The following AGAP1 variants were observed in gnomAD, a reference collection of about 807,000 sequenced individuals.
AGAP1 encodes ArfGAP with GTPase domain, ankyrin repeat and PH domain 1.
AGAP1 carries 29 observed loss-of-function variants against 105.3 expected under a neutral mutation model. That is an observed-to-expected ratio of 0.28 (90% CI 0.21 to 0.38). The LOEUF (loss-of-function observed/expected upper bound fraction) is 0.38, where lower values mean the gene tolerates loss of function less well. Ranked by LOEUF, AGAP1 falls within the 10% of genes least tolerant of loss-of-function variation. The pLI is 1.00. For synonymous variants in AGAP1, 509 were observed against 485.9 expected (o/e 1.05, Z -0.63); for missense variants, 998 against 1,165.1 (o/e 0.86, Z 2.09).
chr2:235,910,191 T>C (rs575458800), intron 11 of AGAP1, among the ~76,000 whole-genome samples: 1 of 152,402 alleles, frequency 6.6e-6, no homozygotes, highest in Non-Finnish European at 1.5e-5. Flanking sequence ...CAAATTTGGG[T>C]CCACCATCCT....
chr2:235,545,093 A>G (rs1943580039), intron 1 of AGAP1, among the ~76,000 whole-genome samples: 1 of 152,184 alleles, frequency 6.6e-6, no homozygotes, highest in South Asian at 2.1e-4. Context: ...TTTGTTGTTT[A>G]GATCATGGTC....
In AGAP1 at chr2:235,571,975, T is replaced by TATAC. The variant is rs1553568314; in HGVS notation, c.163+77127_163+77128insTACA. Among the ~76,000 whole-genome samples the TATAC allele has an allele frequency of 2.5e-4, 20 of 78,986 alleles. 1 individual carries two copies. Among genetic ancestry groups the TATAC allele is most frequent in the African/African-American group, 1.1e-3 (19 of 17,626 alleles). The allele number at this position is 78,986 out of a possible 152,430, so 51.8% of individuals were successfully genotyped here. On this transcript the variant is annotated intron_variant, in intron 1 of 17. Coordinates refer to ENST00000304032, the MANE Select transcript of AGAP1 (RefSeq NM_001037131.3). Reference sequence around the variant, plus strand: ...GTGTGTGTGTATACATATATATGTATACACACACACACACACACACACACA... The same window carrying TATAC: ...GTGTGTGTGTATACATATATATGTATATACACACACACACACACACACACACACA...
intron 1 of AGAP1, chr2:235,670,376 CG>C: frequency 1.8e-6 from 1 of 549,486 alleles, no homozygotes; most frequent in Non-Finnish European, 3.3e-6. Context: ...TTGGGATTTC[CG>C]CACCTTCCGC....
Position 235,867,599 on chromosome 2 carries a change from C to A in AGAP1, c.1051-15746C>A, listed in dbSNP as rs1434708343. Among the ~76,000 whole-genome samples, 1 of 144,766 alleles carries A rather than the reference C, an allele frequency of 6.9e-6. No homozygotes were observed. Among genetic ancestry groups the A allele is most frequent in the Non-Finnish European group, 1.5e-5 (1 of 66,158 alleles). 95.0% of individuals were successfully genotyped at this position (144,766 alleles called of 152,430 possible). Reference sequence around the variant, plus strand: ...TGCAAGTGAGGGAGGGTGACCCCCACACCAAGCACACAGGGCCATGGATTT... The same window carrying A: ...TGCAAGTGAGGGAGGGTGACCCCCAAACCAAGCACACAGGGCCATGGATTT... On this transcript the variant is annotated intron_variant, in intron 9 of 17. Coordinates refer to ENST00000304032, the MANE Select transcript of AGAP1 (RefSeq NM_001037131.3). The surrounding 1 kb of genome is among the most constrained non-coding windows in gnomAD (Gnocchi z 5.4).
intron 1 of AGAP1, among the ~76,000 whole-genome samples, chr2:235,658,003 G>A (rs1947829703): frequency 6.6e-6 from 1 of 152,218 alleles, no homozygotes. Flanking sequence ...TGCTGATCTC[G>A]GCCTTCTAGG....
chr2:235,755,283 T>C (rs1280793145), intron 6 of AGAP1, among the ~76,000 whole-genome samples: 4 of 152,234 alleles, frequency 2.6e-5, no homozygotes, highest in African/African-American at 7.2e-5. Context: ...AGTTTTTCTA[T>C]TTTTAAAGTT....
Position 235,741,145 on chromosome 2 carries a change from A to C in AGAP1, c.396+97A>C. 1 of 983,936 alleles carries C rather than the reference A, an allele frequency of 1.0e-6. No homozygotes were observed. Among genetic ancestry groups the C allele is most frequent in the Admixed American group, 3.1e-5 (1 of 32,362 alleles). The allele number at this position is 983,936 out of a possible 1,614,324, so 61.0% of individuals were successfully genotyped here. ...TCTAGAAATCGGTGACTTGGTTTCCAAAAAAGTGGAAACCCCATAAAAAAT... is the reference window on the plus strand; with the variant it reads ...TCTAGAAATCGGTGACTTGGTTTCCCAAAAAGTGGAAACCCCATAAAAAAT... On this transcript the variant is annotated intron_variant, in intron 4 of 17. Coordinates refer to ENST00000304032, the MANE Select transcript of AGAP1 (RefSeq NM_001037131.3). This position sits in a 1 kb window ranked among gnomAD's most constrained non-coding sequence, Gnocchi z 4.9.
rs2056863154 is a variant in AGAP1 at position 236,020,980 on chromosome 2, A to G, written c.1646-15581A>G. Among the ~76,000 whole-genome samples the G allele has an allele frequency of 6.6e-6, 1 of 152,106 alleles. No individual in the cohort carries two copies. The highest frequency in any genetic ancestry group is 1.5e-5 in the Non-Finnish European group (1 of 68,024). On this transcript the variant is annotated intron_variant, in intron 13 of 17. Transcript: ENST00000304032. This position sits in a 1 kb window ranked among gnomAD's most constrained non-coding sequence, Gnocchi z 5.0. Reference sequence around the variant, plus strand: ...CAGACATTCGAGACCAGCCTGGTCAACGTGGTGAAACCCCATCTCTACTAA... The same window carrying G: ...CAGACATTCGAGACCAGCCTGGTCAGCGTGGTGAAACCCCATCTCTACTAA...
rs1951825569 is a variant in AGAP1, at chr2:235,729,472, C to T, written c.311-11491C>T. On this transcript the variant is annotated intron_variant, in intron 3 of 17. Transcript: ENST00000304032. This position sits in a 1 kb window ranked among gnomAD's most constrained non-coding sequence, Gnocchi z 5.0. ...TCAGCTCAGCCTGAGAGCCAGTGAC[C>T]CCCTCCCCCAGGAGGATGCTGTAGG... 6.6e-6 allele frequency among the ~76,000 whole-genome samples: 1 copy of T among 152,094 alleles called. No homozygotes were observed. The highest frequency in any genetic ancestry group is 2.1e-4 in the South Asian group (1 of 4,828).
intron 6 of AGAP1, among the ~76,000 whole-genome samples, chr2:235,757,231 C>T (rs1213716484): frequency 6.6e-6 from 1 of 152,220 alleles, no homozygotes; most frequent in Admixed American, 6.5e-5. Flanking sequence ...TTGGTGATCT[C>T]ACATAGACTT....
rs35116044 is a variant in AGAP1, at chr2:236,003,583, C to G, written c.1646-32978C>G. Among the ~76,000 whole-genome samples the G allele has an allele frequency of 2.0e-5, 3 of 151,940 alleles. No homozygotes were observed. Among genetic ancestry groups the G allele is most frequent in the Admixed American group, 6.5e-5 (1 of 15,274 alleles). The stretch of plus-strand genomic sequence containing the variant: ...CGCTGCTGCTGCCCGCATGGGGTAC[C>G]CTTAAGTCCCACATCCAAGCTCCCT... On this transcript the variant is annotated intron_variant, in intron 13 of 17. Transcript: ENST00000304032. The surrounding 1 kb of genome is among the most constrained non-coding windows in gnomAD (Gnocchi z 4.2).
rs2055131708 is a variant in AGAP1, at chr2:235,982,303, C to T, written c.1645+13680C>T. Among the ~76,000 whole-genome samples, 1 of 151,110 alleles carries T rather than the reference C, an allele frequency of 6.6e-6. No homozygotes were observed. The highest frequency in any genetic ancestry group is 1.5e-5 in the Non-Finnish European group (1 of 68,042). Reference sequence around the variant, plus strand: ...AATGCAGAGTAACTCTTACAATTAACATATAATTACCTCAACGGGCCAATT... The same window carrying T: ...AATGCAGAGTAACTCTTACAATTAATATATAATTACCTCAACGGGCCAATT... On this transcript the variant is annotated intron_variant, in intron 13 of 17. Transcript: ENST00000304032. This position sits in a 1 kb window ranked among gnomAD's most constrained non-coding sequence, Gnocchi z 4.9.
chr2:235,911,644 A>G (rs973363143), intron 11 of AGAP1, among the ~76,000 whole-genome samples: 5 of 152,258 alleles, frequency 3.3e-5, no homozygotes, highest in African/African-American at 9.6e-5. Flanking sequence ...CGGCTGTGGC[A>G]TGGGCCTTTC....
intron 1 of AGAP1, among the ~76,000 whole-genome samples, chr2:235,698,987 A>T (rs1048791697): frequency 2.6e-5 from 4 of 152,110 alleles, no homozygotes; most frequent in African/African-American, 9.7e-5. Flanking sequence ...AGAGGAGCAC[A>T]GGGGAGCCCC....
chr2:235,621,392 A>G lies in AGAP1; in HGVS notation c.164-87787A>G, dbSNP rs1383866108. On this transcript the variant is annotated intron_variant, in intron 1 of 17. Coordinates refer to ENST00000304032, the MANE Select transcript of AGAP1 (RefSeq NM_001037131.3). This position sits in a 1 kb window ranked among gnomAD's most constrained non-coding sequence, Gnocchi z 4.1. ...TAAAATGGGTATGTTAACAGTCTCT[A>G]CCTCCCAGAGTGGTTGGGGTTACGT... Among the ~76,000 whole-genome samples, 1 of 152,120 alleles carries G rather than the reference A, an allele frequency of 6.6e-6. No homozygotes were observed. Among genetic ancestry groups the G allele is most frequent in the Non-Finnish European group, 1.5e-5 (1 of 68,026 alleles).
rs1944678488 is a variant in AGAP1 at position 235,574,740 on chromosome 2, G to T, written c.163+79891G>T. 6.6e-6 allele frequency among the ~76,000 whole-genome samples: 1 copy of T among 152,058 alleles called. No homozygotes were observed. Among genetic ancestry groups the T allele is most frequent in the Non-Finnish European group, 1.5e-5 (1 of 68,020 alleles). ...AATAATGGACCAAGTACACCAGGAG[G>T]GAATGAACGAGAAAAATAAAAGAAA... On this transcript the variant is annotated intron_variant, in intron 1 of 17. Coordinates refer to ENST00000304032, the MANE Select transcript of AGAP1 (RefSeq NM_001037131.3). This position sits in a 1 kb window ranked among gnomAD's most constrained non-coding sequence, Gnocchi z 5.0.
chr2:235,859,465 T>G (rs1364868368), intron 9 of AGAP1, among the ~76,000 whole-genome samples: 1 of 133,180 alleles, frequency 7.5e-6, no homozygotes, highest in Non-Finnish European at 1.5e-5. Context: ...AACGACACAC[T>G]ATTTTGGATC....
At chr2:235,500,555 G>T (rs972547400) in intron 1 of AGAP1, among the ~76,000 whole-genome samples, 8 of 152,222 alleles carry the variant, frequency 5.3e-5, no homozygotes, top group Non-Finnish European at 1.0e-4. Context: ...AGCTGAGAAG[G>T]TTTCCTATCA....
At chr2:235,863,698 A>G (rs993884998) in intron 9 of AGAP1, among the ~76,000 whole-genome samples, 1 of 152,212 alleles carries the variant, frequency 6.6e-6, no homozygotes, top group Admixed American at 6.5e-5. Context: ...TCGCTGGCCA[A>G]TGCAAGGCAG....
Sources: allele counts gnomAD v4.1 joint callset (sites outside exome capture counted in the v4.1 genomes callset), GRCh38; gene constraint gnomAD v4.1.1; non-coding constraint Gnocchi (gnomAD v3.1); transcripts MANE v1.5; gene names NCBI Gene and HGNC (gene_info 2026-07-23, HGNC 2026-07-21).